Variants in PRKD2 observed in about 807,000 individuals in gnomAD.
The protein encoded by PRKD2 is protein kinase D2.
A neutral mutation model predicts 86.0 loss-of-function variants in PRKD2; 22 were observed. The observed-to-expected ratio is 0.26, with a 90% CI of 0.18 to 0.37. The LOEUF (loss-of-function observed/expected upper bound fraction) is 0.37. PRKD2 is among the 10% of genes least tolerant of loss of function. PRKD2 has a pLI of 1.00. For synonymous variants in PRKD2, 509 were observed against 510.9 expected (o/e 1.00, Z 0.05); for missense variants, 818 against 1,199.2 (o/e 0.68, Z 4.70).
intron 13 of PRKD2, among the ~76,000 whole-genome samples, chr19:46,690,178 A>G (rs2053463485): frequency 6.6e-6 from 1 of 151,904 alleles, no homozygotes; most frequent in Non-Finnish European, 1.5e-5. Context: ...CTCCAGTCCT[A>G]TCCTGGCCTA....
chr19:46,676,462 G>A (rs1168242361), intron 16 of PRKD2, among the ~76,000 whole-genome samples: 1 of 152,140 alleles, frequency 6.6e-6, no homozygotes, highest in African/African-American at 2.4e-5. Flanking sequence ...TCATCAGATG[G>A]TAGTTAGTCA....
Position 46,716,251 on chromosome 19 carries a change from G to A in PRKD2, c.120C>T (p.Ala40=). The A allele has an allele frequency of 6.2e-7, 1 of 1,603,664 alleles. No individual in the cohort carries two copies. Among genetic ancestry groups the A allele is most frequent in the Non-Finnish European group, 8.5e-7 (1 of 1,175,746 alleles). Residue 40 remains alanine, a synonymous_variant, in exon 1 of 18, where the codon GCC becomes GCT. Transcript: ENST00000291281. The surrounding 1 kb of genome is among the most constrained non-coding windows in gnomAD (Gnocchi z 7.9). ...SPPPLLPQIP[A]PGSGVSFHIQ... ...TGTGAAAGGAGACCCCGGAACCCGG[G>A]GCCGGGATCTGGGGCAGTAGCGGTG...
intron 9 of PRKD2, among the ~76,000 whole-genome samples, chr19:46,695,683 G>A (rs2053547393): frequency 6.6e-6 from 1 of 152,140 alleles, no homozygotes; most frequent in Admixed American, 6.6e-5. Flanking sequence ...GGACCCAGGC[G>A]GGACAGAAGG....
At position 46,694,174 on chromosome 19, in the gene PRKD2, G is replaced by C. The variant is rs1199064056; in HGVS notation, c.1318-41C>G. ...CCAGCACAGGTGAGGATGCCAGGCA[G>C]ACCTTGGAATTCTAGTGCTTACCCA... On this transcript the variant is annotated intron_variant, in intron 9 of 17. Coordinates refer to ENST00000291281, the MANE Select transcript of PRKD2 (RefSeq NM_016457.5). 4 of 1,601,120 alleles carry C rather than the reference G, an allele frequency of 2.5e-6. 1 individual carries two copies. The South Asian group carries it at 4.4e-5, about 18-fold the overall frequency.
chr19:46,701,047 G>A lies in PRKD2; in HGVS notation c.955C>T (p.Leu319Phe). 6.2e-7 allele frequency: 1 copy of A among 1,614,208 alleles called. No homozygotes were observed. The highest frequency in any genetic ancestry group is 1.1e-5 in the South Asian group (1 of 91,088). ...CCCAGCCTCTCACCTCCATTGATAAGGGCCTCCCCCAGGCAGTCATTAGGG... is the reference window on the plus strand; with the variant it reads ...CCCAGCCTCTCACCTCCATTGATAAAGGCCTCCCCCAGGCAGTCATTAGGG... ...RVPNDCLGEALINGDVPMEEA... is the reference protein window; with the variant it reads ...RVPNDCLGEAFINGDVPMEEA... Residue 319 changes from leucine (L) to phenylalanine (F), a missense_variant, in exon 6 of 18, where the codon CTT (leucine) becomes TTT (phenylalanine). Around this residue, in one of 5 missense-constraint regions of PRKD2, gnomAD observed 403 missense variants for 518.6 expected, o/e 0.78. Coordinates refer to ENST00000291281, the MANE Select transcript of PRKD2 (RefSeq NM_016457.5).
Position 46,704,544 on chromosome 19 carries a change from G to A in PRKD2, c.617C>T (p.Ser206Leu). The A allele has an allele frequency of 1.2e-6, 2 of 1,614,124 alleles. No homozygotes were observed. Among genetic ancestry groups the A allele is most frequent in the Non-Finnish European group, 1.7e-6 (2 of 1,180,010 alleles). The change falls in exon 4 of 18, where the codon TCG (serine) becomes TTG (leucine). Residue 206 changes from serine (S) to leucine (L), a missense_variant. Ser to Leu is a moderately radical substitution (Grantham distance 145). Coordinates refer to ENST00000291281, the MANE Select transcript of PRKD2 (RefSeq NM_016457.5). ...GGACTCGGAGGTGCCGAGGCGCACC[G>A]AGTGGCCACTGGCCAGAGACGTGGA... ...LSSTSLASGH[S>L]VRLGTSESLP... is the part of the protein sequence containing the mutation.
chr19:46,696,719 C>T (rs914981874), intron 9 of PRKD2, among the ~76,000 whole-genome samples: 8 of 152,090 alleles, frequency 5.3e-5, no homozygotes, highest in African/African-American at 1.7e-4. Context: ...CGCGCCACTG[C>T]ACTCCAGCTG....
In PRKD2 at chr19:46,714,011, G is replaced by A. The variant is rs1357025208; in HGVS notation, c.241-10C>T. 3.7e-6 allele frequency: 6 copies of A among 1,612,330 alleles called. No homozygotes were observed. The highest frequency in any genetic ancestry group is 1.1e-5 in the South Asian group (1 of 90,994). On this transcript the variant is annotated splice_polypyrimidine_tract_variant and intron_variant, in intron 1 of 17. Coordinates refer to ENST00000291281, the MANE Select transcript of PRKD2 (RefSeq NM_016457.5). ...AGCCACACTCAGGGAACTGAGGGGC[G>A]GGAGAGGGATGTGGCGACGGAAAAG...
chr19:46,679,797 G>T (rs560505635), intron 15 of PRKD2, among the ~76,000 whole-genome samples: 1 of 152,160 alleles, frequency 6.6e-6, no homozygotes, highest in Non-Finnish European at 1.5e-5. Context: ...GCTAATTTTT[G>T]TATTTTTAGT....
chr19:46,716,175 G>T lies in PRKD2; in HGVS notation c.196C>A (p.Leu66Met), dbSNP rs1450740440. 1 of 1,611,540 alleles carries T rather than the reference G, an allele frequency of 6.2e-7. No individual in the cohort carries two copies. The highest frequency in any genetic ancestry group is 1.1e-5 in the South Asian group (1 of 91,068). Reference protein sequence around the residue: ...EFVLLPAASELAHVKQLACSI... With the variant: ...EFVLLPAASEMAHVKQLACSI... ...CAGGCCAGCTGCTTCACATGAGCCA[G>T]CTCGGAGGCGGCGGGCAACAGCACG... Residue 66 changes from leucine to methionine, a missense_variant, in exon 1 of 18, where the codon CTG becomes ATG. Physicochemically the swap from Leu to Met is conservative, Grantham distance 15 (BLOSUM62 2). Transcript: ENST00000291281. This position sits in a 1 kb window ranked among gnomAD's most constrained non-coding sequence, Gnocchi z 7.9.
Position 46,678,568 on chromosome 19 carries a change from C to T in PRKD2, c.2166G>A (p.Val722=). The change falls in exon 16 of 18, where the codon GTG becomes GTA. Residue 722 remains valine, a synonymous_variant. Coordinates refer to ENST00000291281, the MANE Select transcript of PRKD2 (RefSeq NM_016457.5). This position sits in a 1 kb window ranked among gnomAD's most constrained non-coding sequence, Gnocchi z 5.7. ...AGCGGTTGTAGCCCTGGTTGAGCAG[C>T]ACCTCGGGTGCCAGGTAGGCCGGCG... ...VGTPAYLAPE[V]LLNQGYNRSL... is the part of the protein sequence containing the mutation. 1 of 1,614,134 alleles carries T rather than the reference C, an allele frequency of 6.2e-7. No individual in the cohort carries two copies. The highest frequency in any genetic ancestry group is 8.5e-7 in the Non-Finnish European group (1 of 1,180,036).
chr19:46,688,888 T>A (rs2053441295), intron 14 of PRKD2: 1 of 152,176 alleles, frequency 6.6e-6, no homozygotes, highest in African/African-American at 2.4e-5. Flanking sequence ...AGCTTTGACC[T>A]GCTCCATTTC....
intron 5 of PRKD2, among the ~76,000 whole-genome samples, chr19:46,703,771 CAAAA>C (rs1185254793): frequency 8.7e-6 from 1 of 114,596 alleles, no homozygotes. Context: ...GACTCCGTCT[CAAAA>C]AAAAAAAAAA....
chr19:46,710,876 C>T, intron 3 of PRKD2, 31 bp downstream of exon 3: 1 of 1,515,176 alleles, frequency 6.6e-7, no homozygotes, highest in Non-Finnish European at 8.9e-7. Flanking sequence ...AGCCCCGCCC[C>T]AGGCCCCGCC....
rs1028639778 is a variant in PRKD2 at position 46,707,176 on chromosome 19, G to A, written c.512-2527C>T. On this transcript the variant is annotated intron_variant, in intron 3 of 17. Coordinates refer to ENST00000291281, the MANE Select transcript of PRKD2 (RefSeq NM_016457.5). ...CAAAGTGCTGGGATTACAGGTGTGA[G>A]CCACCGTGCCTGGCCCAGAATCAGG... Among the ~76,000 whole-genome samples the A allele has an allele frequency of 1.2e-3, 183 of 152,330 alleles. 2 individuals carry two copies. Among genetic ancestry groups the A allele is most frequent in the Non-Finnish European group, 4.3e-4 (29 of 68,030 alleles).
intron 14 of PRKD2, among the ~76,000 whole-genome samples, chr19:46,687,618 T>G (rs957400287): frequency 1.3e-5 from 2 of 152,162 alleles, no homozygotes; most frequent in African/African-American, 4.8e-5. Flanking sequence ...TTAAATGAGT[T>G]TGAAGAGTGC....
At chr19:46,704,676 A>G in intron 3 of PRKD2, 27 bp from the exon 4 acceptor site, 3 of 1,571,002 alleles carry the variant, frequency 1.9e-6, no homozygotes, top group Non-Finnish European at 1.7e-6. Flanking sequence ...AGAGTAAGAG[A>G]CATGGCGTCT....
intron 4 of PRKD2, 28 bp downstream of exon 4, chr19:46,704,467 C>T (rs776890988): frequency 4.3e-6 from 7 of 1,613,924 alleles, no homozygotes. Flanking sequence ...CCCTAGCCAC[C>T]AACCCGTCCC....
At chr19:46,708,973 T>G (rs1304708467) in intron 3 of PRKD2, among the ~76,000 whole-genome samples, 2 of 84,008 alleles carry the variant, frequency 2.4e-5, no homozygotes, top group East Asian at 2.7e-4. Context: ...TTGTTTGTGG[T>G]TTTTTTTTTT....
Sources: allele counts gnomAD v4.1 joint callset (sites outside exome capture counted in the v4.1 genomes callset), GRCh38; gene constraint gnomAD v4.1.1; regional missense constraint gnomAD v4.1.1; non-coding constraint Gnocchi (gnomAD v3.1); transcripts MANE v1.5; gene names NCBI Gene and HGNC (gene_info 2026-07-23, HGNC 2026-07-21).